Variants in SYNRG observed in about 807,000 individuals in gnomAD.
SYNRG encodes the protein AP1 gamma subunit binding protein 1.
A neutral mutation model predicts 130.9 loss-of-function variants in SYNRG; 37 were observed. That is an observed-to-expected ratio of 0.28 (90% CI 0.22 to 0.37). The LOEUF is 0.37. SYNRG is among the 10% of genes least tolerant of loss of function. SYNRG has a pLI of 1.00. For missense variants in SYNRG, 1,338 were observed against 1,588.9 expected (o/e 0.84, Z 2.68); for synonymous variants, 539 against 568.1 (o/e 0.95, Z 0.73).
chr17:37,570,143 C>CTTTT (rs11320959), intron 10 of SYNRG, among the ~76,000 whole-genome samples: 2 of 113,794 alleles, frequency 1.8e-5, no homozygotes, highest in Non-Finnish European at 3.6e-5. Flanking sequence ...CATGCTGAGG[C>CTTTT]TTTTTTTTTT....
Position 37,520,522 on chromosome 17 carries a change from A to G in SYNRG, c.3777+16T>C, listed in dbSNP as rs1248399883. Reference sequence around the variant, plus strand: ...GGGAAGCCCTTTGCTGTCTGCAAGGAGGCTGCGTGACTTACCCGGCTCCTC... The same window carrying G: ...GGGAAGCCCTTTGCTGTCTGCAAGGGGGCTGCGTGACTTACCCGGCTCCTC... On this transcript the variant is annotated intron_variant, in intron 20 of 21. Coordinates refer to ENST00000612223, the MANE Select transcript of SYNRG (RefSeq NM_007247.6). 1.2e-6 allele frequency: 2 copies of G among 1,610,668 alleles called. No individual in the cohort carries two copies. Among genetic ancestry groups the G allele is most frequent in the South Asian group, 1.1e-5 (1 of 91,016 alleles).
intron 18 of SYNRG, among the ~76,000 whole-genome samples, chr17:37,537,800 T>C (rs1162514265): frequency 6.6e-6 from 1 of 152,064 alleles, no homozygotes; most frequent in East Asian, 1.9e-4. Flanking sequence ...AAGCTGACAT[T>C]TGAGTAAAGA....
intron 13 of SYNRG, among the ~76,000 whole-genome samples, chr17:37,556,652 T>C (rs1473272391): frequency 3.3e-5 from 5 of 152,184 alleles, no homozygotes; most frequent in Non-Finnish European, 5.9e-5. Flanking sequence ...ATTCATCTAA[T>C]AAGAGAGGAA....
chr17:37,564,841 A>G (rs2059802989), intron 11 of SYNRG, among the ~76,000 whole-genome samples: 1 of 152,256 alleles, frequency 6.6e-6, no homozygotes, highest in Non-Finnish European at 1.5e-5. Flanking sequence ...GTGTCTTTAG[A>G]GCAGGAACTG....
intron 1 of SYNRG, among the ~76,000 whole-genome samples, chr17:37,606,174 G>C (rs1381876684): frequency 6.6e-6 from 1 of 152,174 alleles, no homozygotes; most frequent in African/African-American, 2.4e-5. Context: ...GCCACTCAGA[G>C]CCACAGTCAT....
chr17:37,547,500 C>T (rs1437403868), intron 14 of SYNRG, among the ~76,000 whole-genome samples: 4 of 147,024 alleles, frequency 2.7e-5, no homozygotes, highest in African/African-American at 7.7e-5. Context: ...CTCGCTCTGT[C>T]GCCTAGGCTG....
At chr17:37,520,392 T>C in intron 20 of SYNRG, 146 bp downstream of exon 20, 1 of 1,055,376 alleles carries the variant, frequency 9.5e-7, no homozygotes, top group Non-Finnish European at 1.4e-6. Flanking sequence ...CTCGAGGGAA[T>C]GTGTCTGCTC....
chr17:37,517,639 C>T lies in SYNRG; in HGVS notation c.*1301G>A, dbSNP rs2054528575. 1 of 152,042 alleles carries T rather than the reference C, an allele frequency of 6.6e-6. No homozygotes were observed. The highest frequency in any genetic ancestry group is 2.1e-4 in the South Asian group (1 of 4,812). 9.4% of individuals were successfully genotyped at this position (152,042 alleles called of 1,614,324 possible). On this transcript the variant is annotated 3_prime_UTR_variant, in exon 22 of 22. Coordinates refer to ENST00000612223, the MANE Select transcript of SYNRG (RefSeq NM_007247.6). The stretch of plus-strand genomic sequence containing the variant: ...GAGGGGAAAATAAATTATGTAAAAG[C>T]AGCAATTATATAGACAAGACCAACT...
intron 19 of SYNRG, among the ~76,000 whole-genome samples, chr17:37,525,011 C>T (rs1192537348): frequency 6.6e-6 from 1 of 152,192 alleles, no homozygotes; most frequent in Non-Finnish European, 1.5e-5. Context: ...AAAGATCATA[C>T]TGTAATCGCC....
At chr17:37,603,891 C>T (rs1384968135) in intron 1 of SYNRG, among the ~76,000 whole-genome samples, 2 of 152,118 alleles carry the variant, frequency 1.3e-5, no homozygotes, top group African/African-American at 4.8e-5. Context: ...TCCTTTGGTG[C>T]CAGACATTGA....
chr17:37,586,289 A>G, intron 4 of SYNRG, 130 bp downstream of exon 4: 3 of 1,332,134 alleles, frequency 2.3e-6, no homozygotes, highest in Non-Finnish European at 3.0e-6. Context: ...CCACTGGGCC[A>G]GGCCTTAAGA....
chr17:37,528,696 T>C lies in SYNRG; in HGVS notation c.3666+7283A>G, dbSNP rs140018322. 1.9e-4 allele frequency among the ~76,000 whole-genome samples: 29 copies of C among 152,328 alleles called. 1 individual carries two copies. In the East Asian group the frequency reaches 5.6e-3, roughly 29 times the overall value. On this transcript the variant is annotated intron_variant, in intron 19 of 21. Transcript: ENST00000612223. ...TTACAAATGATTTGAACTACATAGATGTTGGTTTATGTCATTTACATTTAT... is the reference window on the plus strand; with the variant it reads ...TTACAAATGATTTGAACTACATAGACGTTGGTTTATGTCATTTACATTTAT...
chr17:37,572,342 A>G (rs1345285203), intron 8 of SYNRG, among the ~76,000 whole-genome samples: 2 of 151,942 alleles, frequency 1.3e-5, no homozygotes, highest in East Asian at 3.9e-4. Context: ...CAGGAGAATC[A>G]CTTGAACCCC....
At position 37,575,715 on chromosome 17, in the gene SYNRG, G is replaced by A. The variant is rs531902087; in HGVS notation, c.901+626C>T. Among the ~76,000 whole-genome samples the A allele has an allele frequency of 9.2e-5, 14 of 151,708 alleles. No individual in the cohort carries two copies. The South Asian group carries it at 2.5e-3, about 27-fold the overall frequency. On this transcript the variant is annotated intron_variant, in intron 8 of 21. Coordinates refer to ENST00000612223, the MANE Select transcript of SYNRG (RefSeq NM_007247.6). ...AAATTAGCTGGGTGTAGTGGCATGCGCCTGTAGTCCCAGCTACTTGAGAGG... is the reference window on the plus strand; with the variant it reads ...AAATTAGCTGGGTGTAGTGGCATGCACCTGTAGTCCCAGCTACTTGAGAGG...
At chr17:37,582,740 A>G (rs1382417878) in intron 6 of SYNRG, among the ~76,000 whole-genome samples, 2 of 152,102 alleles carry the variant, frequency 1.3e-5, no homozygotes, top group Non-Finnish European at 2.9e-5. Context: ...GCGCATCTGT[A>G]GTCCCGGTTA....
intron 8 of SYNRG, among the ~76,000 whole-genome samples, chr17:37,573,001 G>A (rs1026598074): frequency 1.7e-4 from 26 of 152,316 alleles, no homozygotes; most frequent in Admixed American, 1.4e-3. Context: ...AGCTTAGTTA[G>A]GGAAATGAAA....
intron 18 of SYNRG, chr17:37,536,491 C>A (rs568579370): frequency 7.2e-5 from 15 of 209,118 alleles, no homozygotes; most frequent in Non-Finnish European, 1.4e-4. Flanking sequence ...AAAAGGCTTA[C>A]AACAGTGCTT....
intron 13 of SYNRG, among the ~76,000 whole-genome samples, chr17:37,560,916 T>C (rs9889695): frequency 0.066 from 10,104 of 152,210 alleles, 1,098 homozygotes; most frequent in African/African-American, 0.22. Context: ...CCACCCTCCT[T>C]GGCCTTCCAA....
intron 19 of SYNRG, among the ~76,000 whole-genome samples, chr17:37,526,740 C>G (rs1336020430): frequency 6.6e-6 from 1 of 152,218 alleles, no homozygotes; most frequent in Admixed American, 6.5e-5. Flanking sequence ...GTTGTCACAT[C>G]ACTTTTTCTC....
Sources: gnomAD v4.1 joint callset for allele counts (sites outside exome capture counted in the v4.1 genomes callset) on GRCh38, gnomAD v4.1.1 for gene constraint, MANE v1.5 for transcripts, NCBI Gene and HGNC (gene_info 2026-07-23, HGNC 2026-07-21) for gene names.